Variants in LDB3 observed in about 807,000 individuals in gnomAD.
The protein encoded by LDB3 is LIM domain binding 3.
LDB3 carries 49 observed loss-of-function variants against 69.0 expected under a neutral mutation model. The ratio of observed to expected loss-of-function variants is 0.71; its 90% CI spans 0.56 to 0.90. The LOEUF (loss-of-function observed/expected upper bound fraction) is 0.90, where lower values mean the gene tolerates loss of function less well. LDB3 is among the 40% of genes least tolerant of loss of function. The pLI is 0.00. For synonymous variants in LDB3, 387 were observed against 396.2 expected (o/e 0.98, Z 0.28); for missense variants, 928 against 974.1 (o/e 0.95, Z 0.63).
chr10:86,694,043 C>T (rs941013929), intron 7 of LDB3, among the ~76,000 whole-genome samples: 1 of 152,210 alleles, frequency 6.6e-6, no homozygotes, highest in Admixed American at 6.5e-5. Context: ...TGTTCTGCTT[C>T]CCTCCGATAT....
chr10:86,700,449 A>C (rs1846214634), intron 7 of LDB3, among the ~76,000 whole-genome samples: 1 of 152,160 alleles, frequency 6.6e-6, no homozygotes, highest in Non-Finnish European at 1.5e-5. Context: ...CTTATGCTCG[A>C]TCCTGGTCCA....
intron 4 of LDB3, 83 bp downstream of exon 4, chr10:86,680,240 TG>T: frequency 7.8e-7 from 1 of 1,273,934 alleles, no homozygotes; most frequent in Non-Finnish European, 1.1e-6. Context: ...GGTCTTTGGC[TG>T]GCCCAACTGG....
intron 2 of LDB3, among the ~76,000 whole-genome samples, chr10:86,670,644 G>C (rs74967928): frequency 0.026 from 3,897 of 152,332 alleles, 127 homozygotes; most frequent in African/African-American, 0.072. Context: ...GATAGCAGGA[G>C]GAATGTCCTT....
At chr10:86,711,870 C>A (rs4934252) in intron 9 of LDB3, among the ~76,000 whole-genome samples, 41,190 of 150,422 alleles carry the variant, frequency 0.27, 6,414 homozygotes, top group East Asian at 0.61. Context: ...CCCGGCCCGG[C>A]GTGAGTCAGA....
chr10:86,685,819 T>C, intron 5 of LDB3: 1 of 1,188,386 alleles, frequency 8.4e-7, no homozygotes, highest in Non-Finnish European at 1.3e-6. Flanking sequence ...TGCATATGTA[T>C]GAGTGGGGTA....
At chr10:86,714,374 G>T (rs1846782538) in intron 9 of LDB3, among the ~76,000 whole-genome samples, 1 of 152,060 alleles carries the variant, frequency 6.6e-6, no homozygotes, top group Non-Finnish European at 1.5e-5. Context: ...CTTTACAGAG[G>T]CAGCTTGGGA....
intron 2 of LDB3, among the ~76,000 whole-genome samples, chr10:86,678,460 C>T (rs759825789): frequency 2.6e-5 from 4 of 151,886 alleles, no homozygotes; most frequent in Admixed American, 6.6e-5. Context: ...CTGCCTCAGC[C>T]TCCCAAGTAG....
chr10:86,712,158 GGGCCGGGCCACCGA>G (rs1299710672), intron 9 of LDB3, among the ~76,000 whole-genome samples: 1 of 152,010 alleles, frequency 6.6e-6, no homozygotes, highest in Non-Finnish European at 1.5e-5. Context: ...CGGAGCTGCC[GGGCCGGGCCACCGA>G]GGCCGGGGAG....
rs567014755 is a variant in LDB3 at position 86,718,773 on chromosome 10, T to A, written c.1904T>A (p.Val635Asp). Residue 635 changes from valine (V) to aspartate (D), a missense_variant, in exon 12 of 14, where the codon GTC becomes GAC. Coordinates refer to ENST00000361373, the MANE Select transcript of LDB3 (RefSeq NM_007078.3). ...CAGACATGGCACACCACCTGCTTCG[T>A]CTGTGCGGCCTGCAAGAAGCCTTTT... is the stretch of plus-strand genomic sequence containing the variant. ...LRQTWHTTCF[V>D]CAACKKPFGN... The A allele has an allele frequency of 2.5e-6, 4 of 1,614,044 alleles. No homozygotes were observed. The highest frequency in any genetic ancestry group is 3.4e-6 in the Non-Finnish European group (4 of 1,180,032).
chr10:86,718,838 T>C lies in LDB3; in HGVS notation c.1969T>C (p.Cys657Arg). 1 of 1,614,110 alleles carries C rather than the reference T, an allele frequency of 6.2e-7. No homozygotes were observed. The highest frequency in any genetic ancestry group is 8.5e-7 in the Non-Finnish European group (1 of 1,180,028). The change falls in exon 12 of 14, where the codon TGC becomes CGC. Residue 657 changes from cysteine to arginine, a missense_variant. Coordinates refer to ENST00000361373, the MANE Select transcript of LDB3 (RefSeq NM_007078.3). ...LFHMEDGEPY[C>R]EKDYINLFST... ...CCACATGGAAGACGGGGAGCCCTACTGCGAGAAAGGTAGGAACACTTCGAT... is the reference window on the plus strand; with the variant it reads ...CCACATGGAAGACGGGGAGCCCTACCGCGAGAAAGGTAGGAACACTTCGAT...
chr10:86,678,214 AT>A (rs985147001), intron 2 of LDB3, among the ~76,000 whole-genome samples: 2 of 151,480 alleles, frequency 1.3e-5, no homozygotes, highest in Non-Finnish European at 2.9e-5. Context: ...TGTCCAGCTA[AT>A]TTTTTTTGTA....
intron 5 of LDB3, among the ~76,000 whole-genome samples, chr10:86,688,910 C>T (rs1845630250): frequency 6.6e-6 from 1 of 152,168 alleles, no homozygotes; most frequent in South Asian, 2.1e-4. Context: ...CGAGACTTCA[C>T]GAAGGACGTT....
In LDB3 at chr10:86,668,783, G is replaced by A. The variant is rs1410128172; in HGVS notation, c.92G>A (p.Arg31Gln). The A allele has an allele frequency of 1.2e-5, 19 of 1,612,044 alleles. No individual in the cohort carries two copies. In the Middle Eastern group the frequency reaches 6.6e-4, roughly 56 times the overall value. ...TTCAACATGCCCCTCACTATCTCCCGGGTGAGTGCACCCTGCCACAGCCTG... is the reference window on the plus strand; with the variant it reads ...TTCAACATGCCCCTCACTATCTCCCAGGTGAGTGCACCCTGCCACAGCCTG... Reference protein sequence around the residue: ...KDFNMPLTISRITPGSKAAQS... With the variant: ...KDFNMPLTISQITPGSKAAQS... Residue 31 changes from arginine to glutamine, a missense_variant and splice_region_variant, in exon 2 of 14, where the codon CGG becomes CAG. Transcript: ENST00000361373.
At chr10:86,727,915 G>A (rs1847317535) in intron 13 of LDB3, among the ~76,000 whole-genome samples, 1 of 151,200 alleles carries the variant, frequency 6.6e-6, no homozygotes, top group African/African-American at 2.4e-5. Flanking sequence ...ACAGCTCACG[G>A]CAAACTCTGC....
chr10:86,668,410 G>A (rs11812601), upstream of LDB3: 1,060 of 523,250 alleles, frequency 2.0e-3, 3 homozygotes, highest in Non-Finnish European at 2.9e-3. Context: ...ATGGTGGACC[G>A]GCTGGGAGGC....
chr10:86,702,230 C>A (rs1846288206), intron 7 of LDB3, among the ~76,000 whole-genome samples: 1 of 152,228 alleles, frequency 6.6e-6, no homozygotes, highest in African/African-American at 2.4e-5. Flanking sequence ...GTGGCAACCA[C>A]CCCTTCAGCA....
rs2132371861 is a variant in LDB3 at position 86,681,587 on chromosome 10, C to A, written c.473C>A (p.Ala158Asp). Residue 158 changes from alanine (A) to aspartate (D), a missense_variant, in exon 5 of 14, where the codon GCC becomes GAC. By Grantham distance (126) the Ala-to-Asp change is moderately radical. Transcript: ENST00000361373. ...TCCGCCTTCTCCTCACTCGCCGAGG[C>A]CTCTGACCCTGGCCCTCCGCGGGCC... ...RPSAFSSLAE[A>D]SDPGPPRASL... 1 of 1,613,070 alleles carries A rather than the reference C, an allele frequency of 6.2e-7. No individual in the cohort carries two copies. Among genetic ancestry groups the A allele is most frequent in the East Asian group, 2.2e-5 (1 of 44,856 alleles).
Position 86,699,595 on chromosome 10 carries a change from C to T in LDB3, c.897-6936C>T, listed in dbSNP as rs1846168634. ...CTGTACCCACCAAACCTCCCCAGGGCAACCCTCGCCACCCCCCAAATAGCC... is the reference window on the plus strand; with the variant it reads ...CTGTACCCACCAAACCTCCCCAGGGTAACCCTCGCCACCCCCCAAATAGCC... On this transcript the variant is annotated intron_variant, in intron 7 of 13. Transcript: ENST00000361373. This position sits in a 1 kb window ranked among gnomAD's most constrained non-coding sequence, Gnocchi z 4.9. The T allele has an allele frequency of 7.1e-7, 1 of 1,406,808 alleles. No homozygotes were observed. Among genetic ancestry groups the T allele is most frequent in the Non-Finnish European group, 9.3e-7 (1 of 1,079,940 alleles). The allele number at this position is 1,406,808 out of a possible 1,614,324, so 87.1% of individuals were successfully genotyped here.
At chr10:86,721,541 G>GA (rs1227239978) in intron 12 of LDB3, among the ~76,000 whole-genome samples, 1 of 152,186 alleles carries the variant, frequency 6.6e-6, no homozygotes, top group African/African-American at 2.4e-5. Flanking sequence ...AAACTAGAGA[G>GA]AAAATAGATT....
Sources: gnomAD v4.1 joint callset for allele counts (sites outside exome capture counted in the v4.1 genomes callset) on GRCh38, gnomAD v4.1.1 for gene constraint, Gnocchi (gnomAD v3.1) non-coding constraint, MANE v1.5 for transcripts, NCBI Gene and HGNC (gene_info 2026-07-23, HGNC 2026-07-21) for gene names.